Variants in ZMYM4 observed in about 807,000 individuals in gnomAD.
ZMYM4 encodes zinc finger MYM-type containing 4.
Under a neutral mutation model 183.2 loss-of-function variants are expected in ZMYM4, and 31 were observed. The observed-to-expected ratio is 0.17, with a 90% CI of 0.13 to 0.23. The LOEUF is 0.23. Among genes scored for constraint, ZMYM4 ranks in the 10% least tolerant of loss-of-function variants. The probability of loss-of-function intolerance (pLI) is 1.00; values close to 1 mark genes in which losing one functional copy is unlikely to be tolerated. For synonymous variants in ZMYM4, 592 were observed against 631.2 expected (o/e 0.94, Z 0.93); for missense variants, 1,273 against 1,840.3 (o/e 0.69, Z 5.64).
rs146478719 is a variant in ZMYM4 at position 35,345,196 on chromosome 1, A to T, written c.86-13729A>T. ...GGGCCTCTTGGCTAAGATCAAGTGTAATTTAATTAGAATTAAGTTTAAATA... is the reference window on the plus strand; with the variant it reads ...GGGCCTCTTGGCTAAGATCAAGTGTTATTTAATTAGAATTAAGTTTAAATA... On this transcript the variant is annotated intron_variant, in intron 2 of 29. Coordinates refer to ENST00000314607, the MANE Select transcript of ZMYM4 (RefSeq NM_005095.3). 5.3e-4 allele frequency among the ~76,000 whole-genome samples: 81 copies of T among 152,342 alleles called. No homozygotes were observed. The East Asian group carries it at 0.014, about 26-fold the overall frequency.
At chr1:35,417,728 G>T (rs896783881) in intron 28 of ZMYM4, among the ~76,000 whole-genome samples, 3 of 152,138 alleles carry the variant, frequency 2.0e-5, no homozygotes, top group Admixed American at 2.0e-4. Context: ...GAGAGATGGC[G>T]ACCGGGCACG....
At chr1:35,271,554 C>G (rs1395807799) in intron 1 of ZMYM4, among the ~76,000 whole-genome samples, 1 of 152,116 alleles carries the variant, frequency 6.6e-6, no homozygotes, top group Non-Finnish European at 1.5e-5. Flanking sequence ...AGGCAAGCAC[C>G]ACCATGCCTG....
intron 12 of ZMYM4, 24 bp downstream of exon 12, chr1:35,387,302 A>G (rs1469369896): frequency 1.2e-6 from 2 of 1,608,208 alleles, no homozygotes; most frequent in South Asian, 1.1e-5. Context: ...TGTTCATGAT[A>G]AGATTTTGAG....
chr1:35,415,859 G>A, intron 28 of ZMYM4, 145 bp downstream of exon 28: 1 of 1,158,476 alleles, frequency 8.6e-7, no homozygotes, highest in Non-Finnish European at 1.2e-6. Context: ...TTGTCAGAGA[G>A]TGGTCAAAGG....
rs545056691 is a variant in ZMYM4 at position 35,386,896 on chromosome 1, A to G, written c.1837-107A>G. ...AGAGGCAGGAACATTGCCTGTTAACAGATGTACCTTACATGCCTAGAACGG... is the reference window on the plus strand; with the variant it reads ...AGAGGCAGGAACATTGCCTGTTAACGGATGTACCTTACATGCCTAGAACGG... On this transcript the variant is annotated intron_variant, in intron 11 of 29. Coordinates refer to ENST00000314607, the MANE Select transcript of ZMYM4 (RefSeq NM_005095.3). The G allele has an allele frequency of 1.8e-5, 23 of 1,256,090 alleles. No individual in the cohort carries two copies. The African/African-American group carries it at 3.4e-4, about 19-fold the overall frequency. The allele number at this position is 1,256,090 out of a possible 1,614,324, so 77.8% of individuals were successfully genotyped here. A position where few individuals can be genotyped will look rare whatever the true frequency, so the allele number is the denominator to read the frequency against.
intron 24 of ZMYM4, 58 bp from the exon 25 acceptor site, chr1:35,405,311 CTTAA>C: frequency 6.3e-7 from 1 of 1,579,620 alleles, no homozygotes; most frequent in Non-Finnish European, 8.6e-7. Flanking sequence ...TTGGGCTTTA[CTTAA>C]TTTTTTCCGC....
chr1:35,385,318 A>G (rs985549931), intron 9 of ZMYM4, 124 bp from the exon 10 acceptor site: 11 of 1,066,472 alleles, frequency 1.0e-5, no homozygotes, highest in Non-Finnish European at 1.5e-5. Context: ...TGAGGATTAC[A>G]ATCATAAAAG....
At chr1:35,359,913 A>C (rs1643900004) in intron 3 of ZMYM4, among the ~76,000 whole-genome samples, 1 of 151,780 alleles carries the variant, frequency 6.6e-6, no homozygotes, top group Non-Finnish European at 1.5e-5. Context: ...TAATAAAAAA[A>C]ACCCAAACAT....
At chr1:35,385,951 T>G (rs1644566184) in intron 10 of ZMYM4, 123 bp from the exon 11 acceptor site, 1 of 611,422 alleles carries the variant, frequency 1.6e-6, no homozygotes, top group Non-Finnish European at 2.7e-6. Context: ...ATGATTTAGT[T>G]TCAGTTCCTA....
intron 9 of ZMYM4, among the ~76,000 whole-genome samples, chr1:35,384,908 A>ATCTCAG (rs1372528727): frequency 7.0e-6 from 1 of 143,492 alleles, no homozygotes; most frequent in Non-Finnish European, 1.5e-5. Context: ...CAGTGGCACG[A>ATCTCAG]TCTCAGCTCG....
chr1:35,374,019 CTTTTTTTTTTTTTTTT>C (rs397863926), intron 7 of ZMYM4, among the ~76,000 whole-genome samples: 3 of 52,782 alleles, frequency 5.7e-5, no homozygotes, highest in South Asian at 7.1e-4. Flanking sequence ...TCATGGGATT[CTTTTTTTTTTTTTTTT>C]TTTTTTTTTT....
intron 1 of ZMYM4, among the ~76,000 whole-genome samples, chr1:35,314,984 C>T (rs1641979686): frequency 6.6e-6 from 1 of 151,124 alleles, no homozygotes; most frequent in South Asian, 2.1e-4. Flanking sequence ...GAGATCACGC[C>T]ATTGTACTCC....
intron 1 of ZMYM4, among the ~76,000 whole-genome samples, chr1:35,303,326 A>G (rs1227233592): frequency 6.6e-6 from 1 of 150,774 alleles, no homozygotes; most frequent in Admixed American, 6.6e-5. Context: ...AATTGCTTAT[A>G]GTATTTCTTT....
intron 26 of ZMYM4, among the ~76,000 whole-genome samples, chr1:35,409,933 C>CT (rs1270232403): frequency 6.8e-6 from 1 of 147,492 alleles, no homozygotes; most frequent in Non-Finnish European, 1.5e-5. Flanking sequence ...GAACAAGACT[C>CT]TGTCTCAAAA....
chr1:35,300,674 TGTTA>T (rs1055035393), intron 1 of ZMYM4, among the ~76,000 whole-genome samples: 6 of 152,242 alleles, frequency 3.9e-5, no homozygotes, highest in African/African-American at 1.2e-4. Flanking sequence ...TATAATTTTC[TGTTA>T]GTTCCATTCT....
At chr1:35,416,925 G>A (rs978940812) in intron 28 of ZMYM4, among the ~76,000 whole-genome samples, 1 of 152,144 alleles carries the variant, frequency 6.6e-6, no homozygotes, top group Non-Finnish European at 1.5e-5. Context: ...TTTGCTGATT[G>A]GGTGCTTGAC....
rs1351873359 is a variant in ZMYM4 at position 35,421,497 on chromosome 1, C to T, written c.*1820C>T. 4 of 152,528 alleles carry T rather than the reference C, an allele frequency of 2.6e-5. No individual in the cohort carries two copies. The highest frequency in any genetic ancestry group is 4.8e-5 in the African/African-American group (2 of 41,434). The allele number at this position is 152,528 out of a possible 1,614,324, so 9.4% of individuals were successfully genotyped here. ...ATACGAATTTTATGGTTTGTATAAA[C>T]ACTAACATTTTCCCCTTCTGTAGTT... On this transcript the variant is annotated 3_prime_UTR_variant, in exon 30 of 30. Coordinates refer to ENST00000314607, the MANE Select transcript of ZMYM4 (RefSeq NM_005095.3).
rs138392768 is a variant in ZMYM4 at position 35,376,847 on chromosome 1, C to T, written c.1182-4412C>T. The stretch of plus-strand genomic sequence containing the variant: ...GGCCTATAGTATTTTAAGAATGCTT[C>T]TGTTACAGTATTTTATAAAATATTT... On this transcript the variant is annotated intron_variant, in intron 7 of 29. Coordinates refer to ENST00000314607, the MANE Select transcript of ZMYM4 (RefSeq NM_005095.3). Among the ~76,000 whole-genome samples the T allele has an allele frequency of 5.8e-3, 887 of 151,712 alleles. 7 individuals are homozygous for T. The highest frequency in any genetic ancestry group is 9.3e-3 in the Non-Finnish European group (633 of 67,902).
intron 1 of ZMYM4, among the ~76,000 whole-genome samples, chr1:35,323,875 C>T (rs761130637): frequency 6.6e-6 from 1 of 151,852 alleles, no homozygotes; most frequent in Non-Finnish European, 1.5e-5. Context: ...TTTTCATTTC[C>T]CATTTCCCTT....
Sources: allele counts gnomAD v4.1 joint callset (sites outside exome capture counted in the v4.1 genomes callset), GRCh38; gene constraint gnomAD v4.1.1; transcripts MANE v1.5; gene names NCBI Gene and HGNC (gene_info 2026-07-23, HGNC 2026-07-21).